Variants in CACNA1C observed in about 807,000 individuals in gnomAD.
The protein encoded by CACNA1C is calcium voltage-gated channel subunit alpha1 C, also known as voltage-dependent L-type calcium channel subunit alpha-1C.
CACNA1C carries 30 observed loss-of-function variants against 229.0 expected under a neutral mutation model. The ratio of observed to expected loss-of-function variants is 0.13; its 90% CI spans 0.10 to 0.18. The LOEUF (loss-of-function observed/expected upper bound fraction) is 0.18, where lower values mean the gene tolerates loss of function less well. CACNA1C is among the 10% of genes least tolerant of loss of function. CACNA1C has a pLI of 1.00. For missense variants in CACNA1C, 1,658 were observed against 2,845.0 expected (o/e 0.58, Z 9.49); for synonymous variants, 1,114 against 1,132.5 (o/e 0.98, Z 0.33).
chr12:2,072,287 G>A (rs908315479), intron 1 of CACNA1C, among the ~76,000 whole-genome samples: 3 of 151,920 alleles, frequency 2.0e-5, no homozygotes, highest in Non-Finnish European at 2.9e-5. Context: ...CAACCTCCAC[G>A]TTCCGGGTTC....
chr12:2,351,684 T>C (rs975311911), intron 3 of CACNA1C, among the ~76,000 whole-genome samples: 9 of 152,318 alleles, frequency 5.9e-5, no homozygotes, highest in African/African-American at 2.2e-4. Flanking sequence ...CTCATTTGGT[T>C]GGTGTCTGCC....
intron 43 of CACNA1C, 126 bp downstream of exon 43, chr12:2,682,804 C>A: frequency 2.8e-6 from 2 of 703,924 alleles, no homozygotes; most frequent in Non-Finnish European, 2.0e-6. Flanking sequence ...ACAGAGAAAA[C>A]ATCTGCACCG....
At chr12:2,127,657 A>T (rs547646836) in intron 3 of CACNA1C, among the ~76,000 whole-genome samples, 155 of 152,294 alleles carry the variant, frequency 1.0e-3, no homozygotes, top group African/African-American at 3.5e-3. Flanking sequence ...GACACAGCGC[A>T]TTGGGAAAGT....
chr12:1,991,631 T>C (rs2039449405), intron 1 of CACNA1C: 1 of 189,100 alleles, frequency 5.3e-6, no homozygotes, highest in Non-Finnish European at 1.1e-5. Context: ...ACACTTCAGG[T>C]ACTAAACGGC....
chr12:2,271,407 A>G (rs936013840), intron 3 of CACNA1C, among the ~76,000 whole-genome samples: 2 of 152,170 alleles, frequency 1.3e-5, no homozygotes, highest in Admixed American at 6.5e-5. Context: ...TAGCTTAAGG[A>G]GTTAGGTATT....
At chr12:2,574,711 C>A (rs1272350308) in intron 13 of CACNA1C, among the ~76,000 whole-genome samples, 1 of 152,250 alleles carries the variant, frequency 6.6e-6, no homozygotes, top group Non-Finnish European at 1.5e-5. Flanking sequence ...CACACCTTCC[C>A]AGCTCTTCCA....
intron 13 of CACNA1C, among the ~76,000 whole-genome samples, chr12:2,571,810 A>C (rs1407562278): frequency 6.6e-6 from 1 of 152,200 alleles, no homozygotes; most frequent in Non-Finnish European, 1.5e-5. Context: ...GGGGGATCCC[A>C]TAAGTCCGTC....
At chr12:2,401,420 A>G (rs2098675472) in intron 3 of CACNA1C, among the ~76,000 whole-genome samples, 1 of 152,242 alleles carries the variant, frequency 6.6e-6, no homozygotes, top group Non-Finnish European at 1.5e-5. Flanking sequence ...ACACATTTCC[A>G]CGACCTCATC....
At chr12:2,118,018 G>A (rs1359372111) in intron 2 of CACNA1C, among the ~76,000 whole-genome samples, 1 of 152,246 alleles carries the variant, frequency 6.6e-6, no homozygotes, top group Non-Finnish European at 1.5e-5. Context: ...AGGCGACACA[G>A]AGCACTTCCC....
chr12:2,135,583 G>A lies in CACNA1C; in HGVS notation c.477+15153G>A, dbSNP rs1472992819. On this transcript the variant is annotated intron_variant, in intron 3 of 46. Coordinates refer to ENST00000399655, the MANE Select transcript of CACNA1C (RefSeq NM_000719.7). The stretch of plus-strand genomic sequence containing the variant: ...ACCCTGCTGTGAGAGGTGTCAGTCT[G>A]CCCCTGCTGGGGGGTGCCTCCCAGT... Among the ~76,000 whole-genome samples the A allele has an allele frequency of 4.2e-4, 57 of 134,774 alleles. 3 individuals carry two copies. Among genetic ancestry groups the A allele is most frequent in the East Asian group, 8.7e-4 (4 of 4,622 alleles). 88.4% of individuals were successfully genotyped at this position (134,774 alleles called of 152,430 possible).
intron 3 of CACNA1C, among the ~76,000 whole-genome samples, chr12:2,232,227 GTTTTTTTTTTTTTTT>G (rs1169407536): frequency 1.4e-5 from 1 of 73,574 alleles, no homozygotes; most frequent in South Asian, 5.6e-4. Flanking sequence ...GTCTTTCCTT[GTTTTTTTTTTTTTTT>G]TTTTTTTTTT....
intron 9 of CACNA1C, among the ~76,000 whole-genome samples, chr12:2,549,098 A>G (rs987683891): frequency 2.2e-4 from 33 of 152,212 alleles, no homozygotes; most frequent in Non-Finnish European, 3.5e-4. Flanking sequence ...CAAGCCACCA[A>G]ACTGGGTTCT....
At chr12:2,556,489 C>T (rs930821029) in intron 10 of CACNA1C, among the ~76,000 whole-genome samples, 1 of 152,218 alleles carries the variant, frequency 6.6e-6, no homozygotes, top group Non-Finnish European at 1.5e-5. Flanking sequence ...TTCTGGCTGG[C>T]TCCTTTTGCT....
intron 3 of CACNA1C, among the ~76,000 whole-genome samples, chr12:2,268,498 C>T (rs528731745): frequency 6.6e-6 from 1 of 152,244 alleles, no homozygotes; most frequent in Middle Eastern, 3.4e-3. Flanking sequence ...AGCAAATGCT[C>T]CTGGGCAGGC....
chr12:2,056,045 T>C (rs1160566089), intron 1 of CACNA1C, among the ~76,000 whole-genome samples: 2 of 152,096 alleles, frequency 1.3e-5, no homozygotes, highest in African/African-American at 4.8e-5. Flanking sequence ...AGATCAGTAA[T>C]GGTGACGAAA....
chr12:2,000,008 T>C (rs555060597), intron 1 of CACNA1C, among the ~76,000 whole-genome samples: 1 of 152,196 alleles, frequency 6.6e-6, no homozygotes, highest in African/African-American at 2.4e-5. Context: ...TGCTGACAAA[T>C]GTATATCCTG....
chr12:2,541,249 C>G (rs1436611458), intron 9 of CACNA1C, among the ~76,000 whole-genome samples: 7 of 152,152 alleles, frequency 4.6e-5, no homozygotes, highest in Non-Finnish European at 8.8e-5. Context: ...CAACTCACAG[C>G]AGATAAGATG....
At chr12:2,591,546 G>A (rs1287605181) in intron 18 of CACNA1C, among the ~76,000 whole-genome samples, 2 of 152,192 alleles carry the variant, frequency 1.3e-5, no homozygotes, top group Non-Finnish European at 2.9e-5. Context: ...TCATTCCCTG[G>A]AGCGTGAGTA....
At chr12:2,376,363 A>G (rs777736748) in intron 3 of CACNA1C, among the ~76,000 whole-genome samples, 1 of 152,148 alleles carries the variant, frequency 6.6e-6, no homozygotes, top group African/African-American at 2.4e-5. Flanking sequence ...CATAAACTAC[A>G]ACTGGATGAT....
Sources: gnomAD v4.1 joint callset for allele counts (sites outside exome capture counted in the v4.1 genomes callset) on GRCh38, gnomAD v4.1.1 for gene constraint, MANE v1.5 for transcripts, NCBI Gene and HGNC (gene_info 2026-07-23, HGNC 2026-07-21) for gene names.